The following USP34 variants were observed in gnomAD, a reference collection of about 807,000 sequenced individuals.
USP34 encodes the protein ubiquitin carboxyl-terminal hydrolase 34.
In USP34, 70 loss-of-function variants were observed where a neutral mutation model predicts 460.3. The observed-to-expected ratio is 0.15, with a 90% CI of 0.13 to 0.19. The LOEUF (loss-of-function observed/expected upper bound fraction) is 0.19. Among genes scored for constraint, USP34 ranks in the 10% least tolerant of loss-of-function variants. USP34 has a pLI of 1.00. For missense variants in USP34, 3,985 were observed against 4,236.2 expected (o/e 0.94, Z 1.65); for synonymous variants, 1,647 against 1,405.3 (o/e 1.17, Z -3.85).
intron 1 of USP34, among the ~76,000 whole-genome samples, chr2:61,435,526 TA>T (rs770313232): frequency 6.6e-6 from 1 of 150,384 alleles, no homozygotes; most frequent in Non-Finnish European, 1.5e-5. Flanking sequence ...GCAGGAGAAA[TA>T]AACCTTCACA....
intron 25 of USP34, 108 bp downstream of exon 25, chr2:61,314,477 T>G: frequency 9.9e-7 from 1 of 1,012,332 alleles, no homozygotes; most frequent in Non-Finnish European, 1.3e-6. Flanking sequence ...TAAATTATGC[T>G]TTCTACTTGA....
intron 1 of USP34, among the ~76,000 whole-genome samples, chr2:61,444,964 T>G (rs1029550259): frequency 1.3e-5 from 2 of 151,410 alleles, no homozygotes; most frequent in East Asian, 1.9e-4. Context: ...AAACTTATCT[T>G]CAAAGAAGTA....
At chr2:61,306,692 C>T (rs1171952524) in intron 27 of USP34, among the ~76,000 whole-genome samples, 5 of 152,172 alleles carry the variant, frequency 3.3e-5, no homozygotes, top group African/African-American at 9.6e-5. Flanking sequence ...GACATTTATG[C>T]AGCCAAAAGA....
At chr2:61,191,257 G>A (rs1385682614) in intron 76 of USP34, 1 of 152,162 alleles carries the variant, frequency 6.6e-6, no homozygotes, top group Non-Finnish European at 1.5e-5. Context: ...TGGTTTTCCT[G>A]TTTTCAAATA....
At chr2:61,251,503 C>A (rs1423632568) in intron 48 of USP34, among the ~76,000 whole-genome samples, 1 of 152,196 alleles carries the variant, frequency 6.6e-6, no homozygotes, top group Non-Finnish European at 1.5e-5. Context: ...ACTACAAACT[C>A]AGCTGTATCG....
intron 3 of USP34, among the ~76,000 whole-genome samples, chr2:61,400,156 C>T (rs185025378): frequency 6.7e-6 from 1 of 149,616 alleles, no homozygotes; most frequent in Admixed American, 6.7e-5. Context: ...GTTGCCCAGG[C>T]TGGAGTGCAG....
chr2:61,219,650 AAC>A lies in USP34; in HGVS notation c.8047+658_8047+659del, dbSNP rs1169624160. ...TGCACCACTGCACTCCAGCCTGAGC[AAC>A]AGAGTGAGACTCTGTCTCAAAAAAA... is the stretch of plus-strand genomic sequence containing the variant. On this transcript the variant is annotated intron_variant, in intron 67 of 79. Coordinates refer to ENST00000398571, the MANE Select transcript of USP34 (RefSeq NM_014709.4). Among the ~76,000 whole-genome samples, 6 of 151,498 alleles carry A rather than the reference AAC, an allele frequency of 4.0e-5. No individual in the cohort carries two copies. In the South Asian group the frequency reaches 1.3e-3, roughly 32 times the overall value.
chr2:61,400,405 G>A (rs1335331754), intron 3 of USP34, among the ~76,000 whole-genome samples: 4 of 151,990 alleles, frequency 2.6e-5, no homozygotes, highest in East Asian at 1.9e-4. Context: ...CACCGCGCCC[G>A]GCCAGAGGAA....
intron 23 of USP34, among the ~76,000 whole-genome samples, chr2:61,316,044 A>G (rs1690734518): frequency 6.6e-6 from 1 of 151,204 alleles, no homozygotes; most frequent in African/African-American, 2.4e-5. Context: ...TACTTTAAAA[A>G]AAAAAAAAAA....
chr2:61,346,230 G>A (rs1250406311), intron 15 of USP34: 1 of 151,878 alleles, frequency 6.6e-6, no homozygotes, highest in African/African-American at 2.4e-5. Flanking sequence ...AAACATGGTA[G>A]GTCTAGGCTG....
At chr2:61,240,594 G>A (rs922207228) in intron 53 of USP34, among the ~76,000 whole-genome samples, 6 of 143,382 alleles carry the variant, frequency 4.2e-5, no homozygotes, top group Non-Finnish European at 6.0e-5. Flanking sequence ...TTTTTTTTGA[G>A]ACAGAGTTTT....
At chr2:61,190,477 T>A (rs978707405) in intron 77 of USP34, 41 bp downstream of exon 77, 1 of 1,605,366 alleles carries the variant, frequency 6.2e-7, no homozygotes, top group East Asian at 2.2e-5. Context: ...AAGCATTAAC[T>A]AATTAGAAAT....
intron 49 of USP34, among the ~76,000 whole-genome samples, chr2:61,248,092 C>T (rs569699406): frequency 6.8e-6 from 1 of 147,178 alleles, no homozygotes; most frequent in South Asian, 2.2e-4. Flanking sequence ...GAGGCTGAGG[C>T]ACAAGAACTA....
intron 16 of USP34, among the ~76,000 whole-genome samples, chr2:61,342,070 T>C (rs917648048): frequency 1.3e-5 from 2 of 152,036 alleles, no homozygotes; most frequent in Non-Finnish European, 2.9e-5. Flanking sequence ...GCGATTTCTT[T>C]ATAGCAACAC....
intron 67 of USP34, chr2:61,220,097 A>G (rs1356791549): frequency 2.3e-6 from 1 of 426,736 alleles, no homozygotes; most frequent in Non-Finnish European, 4.0e-6. Flanking sequence ...AAGCAAGGAA[A>G]CAAAAATGAT....
At chr2:61,251,708 G>T (rs2103883387) in intron 48 of USP34, among the ~76,000 whole-genome samples, 1 of 152,080 alleles carries the variant, frequency 6.6e-6, no homozygotes, top group African/African-American at 2.4e-5. Context: ...AAGCAAATTT[G>T]TGTCTACTTT....
intron 1 of USP34, among the ~76,000 whole-genome samples, chr2:61,437,719 G>C (rs1694851995): frequency 6.6e-6 from 1 of 151,702 alleles, no homozygotes. Context: ...CTTGCAGTGA[G>C]CCCAGATTGT....
chr2:61,463,486 C>A (rs1220150130), intron 1 of USP34, among the ~76,000 whole-genome samples: 1 of 152,122 alleles, frequency 6.6e-6, no homozygotes, highest in Non-Finnish European at 1.5e-5. Flanking sequence ...ACTTTGCCAA[C>A]TGAACAGTGG....
At chr2:61,430,177 T>C (rs1268637092) in intron 1 of USP34, among the ~76,000 whole-genome samples, 5 of 145,022 alleles carry the variant, frequency 3.4e-5, no homozygotes, top group Non-Finnish European at 7.4e-5. Flanking sequence ...ATCGTGCCAC[T>C]GCACTCCCGC....
Sources: allele counts gnomAD v4.1 joint callset (sites outside exome capture counted in the v4.1 genomes callset), GRCh38; gene constraint gnomAD v4.1.1; transcripts MANE v1.5; gene names NCBI Gene and HGNC (gene_info 2026-07-23, HGNC 2026-07-21).